The following GNB4 variants were observed in gnomAD, a reference collection of about 807,000 sequenced individuals.
GNB4 encodes guanine nucleotide-binding protein subunit beta-4.
Under a neutral mutation model 45.2 loss-of-function variants are expected in GNB4, and 28 were observed. The ratio of observed to expected loss-of-function variants is 0.62; its 90% CI spans 0.46 to 0.85. The LOEUF is 0.85. GNB4 is among the 40% of genes least tolerant of loss of function. The pLI, the probability that GNB4 is intolerant of heterozygous loss-of-function variation, is 0.00. For missense variants in GNB4, 321 were observed against 425.4 expected (o/e 0.75, Z 2.16); for synonymous variants, 132 against 143.7 (o/e 0.92, Z 0.58).
intron 1 of GNB4, among the ~76,000 whole-genome samples, chr3:179,428,093 G>A (rs1343819810): frequency 1.3e-5 from 2 of 152,018 alleles, no homozygotes; most frequent in Non-Finnish European, 2.9e-5. Flanking sequence ...TGTTTATTAT[G>A]TTCAGACAAA....
upstream of GNB4, among the ~76,000 whole-genome samples, chr3:179,452,145 G>GGAA (rs1715898649): frequency 6.6e-6 from 1 of 151,842 alleles, no homozygotes. Context: ...TGATAAAACT[G>GGAA]GAAGGCCTTC....
At chr3:179,501,075 CAGA>C in the GNB4 span, among the ~76,000 whole-genome samples, 1 of 152,150 alleles carries the variant, frequency 6.6e-6, no homozygotes, top group Non-Finnish European at 1.5e-5. Flanking sequence ...CTGGAAGTAG[CAGA>C]TAGCTGGAGG....
chr3:179,470,109 AT>A, the GNB4 span, among the ~76,000 whole-genome samples: 1 of 152,270 alleles, frequency 6.6e-6, no homozygotes, highest in Non-Finnish European at 1.5e-5. Context: ...TAGCAATACA[AT>A]TAGGTACATG....
the GNB4 span, among the ~76,000 whole-genome samples, chr3:179,492,817 C>T: frequency 7.6e-4 from 115 of 152,244 alleles, no homozygotes; most frequent in African/African-American, 2.7e-3. Context: ...GTCTTTGCCC[C>T]CTCAAGGTAA....
At chr3:179,409,813 AAAAAAAC>A (rs1463726327) in intron 8 of GNB4, among the ~76,000 whole-genome samples, 5 of 116,480 alleles carry the variant, frequency 4.3e-5, no homozygotes, top group Non-Finnish European at 9.0e-5. Context: ...TGTCTCAAAA[AAAAAAAC>A]AAAAAAACAA....
At chr3:179,423,785 T>TA (rs1160082222) in intron 2 of GNB4, among the ~76,000 whole-genome samples, 24 of 116,000 alleles carry the variant, frequency 2.1e-4, no homozygotes, top group East Asian at 6.6e-4. Context: ...TCACTCTGAT[T>TA]TAAAAAAAAA....
At chr3:179,423,062 AT>A (rs1486627922) in intron 2 of GNB4, among the ~76,000 whole-genome samples, 1 of 152,182 alleles carries the variant, frequency 6.6e-6, no homozygotes, top group Non-Finnish European at 1.5e-5. Context: ...AAGTGCTGGG[AT>A]TACAGGTGTG....
the GNB4 span, among the ~76,000 whole-genome samples, chr3:179,504,129 G>A: frequency 6.6e-6 from 1 of 151,930 alleles, no homozygotes; most frequent in African/African-American, 2.4e-5. Context: ...TCAAAATTCT[G>A]AATTTTCTAG....
chr3:179,407,468 G>GTAAA (rs958253718), intron 8 of GNB4, among the ~76,000 whole-genome samples: 2 of 151,978 alleles, frequency 1.3e-5, no homozygotes, highest in South Asian at 2.1e-4. Context: ...AAATAAGTAA[G>GTAAA]TAAATAAATA....
intron 8 of GNB4, 29 bp from the exon 9 acceptor site, chr3:179,405,435 C>T: frequency 1.4e-6 from 2 of 1,473,890 alleles, no homozygotes; most frequent in Non-Finnish European, 1.9e-6. Flanking sequence ...AACATTTATT[C>T]TACAGATGTA....
chr3:179,419,544 C>T (rs367557380), intron 3 of GNB4, 39 bp from the exon 4 acceptor site: 10 of 1,229,468 alleles, frequency 8.1e-6, no homozygotes, highest in African/African-American at 4.4e-5. Flanking sequence ...TTACCTTAAT[C>T]ATAGTTCATG....
At chr3:179,419,653 C>T (rs1714919705) in intron 3 of GNB4, 148 bp from the exon 4 acceptor site, 1 of 607,832 alleles carries the variant, frequency 1.6e-6, no homozygotes, top group Non-Finnish European at 2.9e-6. Context: ...TCCACAGAGC[C>T]GTTATGGGAT....
chr3:179,510,851 A>T, the GNB4 span, among the ~76,000 whole-genome samples: 1 of 152,118 alleles, frequency 6.6e-6, no homozygotes, highest in Non-Finnish European at 1.5e-5. Flanking sequence ...TCCCCATTAC[A>T]GATGTTAGCC....
the GNB4 span, chr3:179,464,240 C>T: frequency 2.3e-6 from 1 of 440,530 alleles, no homozygotes; most frequent in South Asian, 2.4e-5. Flanking sequence ...GGGAAGATCA[C>T]TTGAGGCCAG....
the GNB4 span, among the ~76,000 whole-genome samples, chr3:179,505,710 G>A: frequency 2.6e-5 from 4 of 152,134 alleles, no homozygotes; most frequent in African/African-American, 9.7e-5. Context: ...TATAATGAGT[G>A]GAGTGCTGGA....
chr3:179,434,313 T>A (rs1189457683), intron 1 of GNB4, among the ~76,000 whole-genome samples: 2 of 152,126 alleles, frequency 1.3e-5, no homozygotes, highest in Non-Finnish European at 2.9e-5. Context: ...TAGATAAATC[T>A]TTAAAATAAT....
the GNB4 span, among the ~76,000 whole-genome samples, chr3:179,461,424 G>A: frequency 1.6e-4 from 24 of 151,796 alleles, no homozygotes; most frequent in South Asian, 1.7e-3. Context: ...GTGAACCCGG[G>A]AGGCGGAGCT....
the GNB4 span, among the ~76,000 whole-genome samples, chr3:179,478,192 G>A: frequency 1.3e-5 from 2 of 152,098 alleles, no homozygotes; most frequent in African/African-American, 4.8e-5. Context: ...CAACTCTCAT[G>A]ATGGCAACAT....
the GNB4 span, chr3:179,465,222 T>G: frequency 2.1e-6 from 3 of 1,408,368 alleles, no homozygotes; most frequent in Non-Finnish European, 1.0e-6. Flanking sequence ...GTTGGAGATG[T>G]GGATTTTGAA....
Sources: gnomAD v4.1 joint callset for allele counts (sites outside exome capture counted in the v4.1 genomes callset) on GRCh38, gnomAD v4.1.1 for gene constraint, MANE v1.5 for transcripts, NCBI Gene and HGNC (gene_info 2026-07-23, HGNC 2026-07-21) for gene names.